The following ABL1 variants were observed in gnomAD, a reference collection of about 807,000 sequenced individuals.
The protein encoded by ABL1 is ABL proto-oncogene 1, non-receptor tyrosine kinase.
ABL1 carries 11 observed loss-of-function variants against 94.7 expected under a neutral mutation model. The ratio of observed to expected loss-of-function variants is 0.12; its 90% CI spans 0.07 to 0.19. ABL1 has a LOEUF of 0.19. Among genes scored for constraint, ABL1 ranks in the 10% least tolerant of loss-of-function variants. The probability of loss-of-function intolerance (pLI) is 1.00; values close to 1 mark genes in which losing one functional copy is unlikely to be tolerated. For missense variants in ABL1, 1,082 were observed against 1,489.4 expected, an observed-to-expected ratio of 0.73 and a Z score of 4.50; for synonymous variants, 656 against 622.4, an observed-to-expected ratio of 1.05 and a Z score of -0.80.
intron 1 of ABL1, among the ~76,000 whole-genome samples, chr9:130,785,398 A>T (rs1310620468): frequency 1.3e-5 from 2 of 152,074 alleles, no homozygotes; most frequent in African/African-American, 4.8e-5. Context: ...CCCTCTGACA[A>T]GCATGTTTGC....
chr9:130,715,482 C>CT (rs1182212137), intron 1 of ABL1, among the ~76,000 whole-genome samples: 2 of 152,184 alleles, frequency 1.3e-5, no homozygotes, highest in African/African-American at 4.8e-5. Context: ...TGAAGTTTTA[C>CT]TTTCTTACGG....
At position 130,771,116 on chromosome 9, in the gene ABL1, T is replaced by A. The variant is rs186970547; in HGVS notation, c.136+56661T>A. 9.8e-5 allele frequency among the ~76,000 whole-genome samples: 15 copies of A among 152,364 alleles called. No homozygotes were observed. The East Asian group carries it at 2.9e-3, about 29-fold the overall frequency. On this transcript the variant is annotated intron_variant, in intron 1 of 10. Coordinates refer to the ABL1 transcript ENST00000372348. ...CCTATTGGGATCTGTATTAAAAGTGTACTAAAAACATTCACCACATGGTGG... is the reference window on the plus strand; with the variant it reads ...CCTATTGGGATCTGTATTAAAAGTGAACTAAAAACATTCACCACATGGTGG...
intron 1 of ABL1, among the ~76,000 whole-genome samples, chr9:130,729,063 C>T (rs945925290): frequency 1.3e-5 from 2 of 152,132 alleles, no homozygotes. Flanking sequence ...TTGACCCTGC[C>T]AGGTTTGGTT....
At chr9:130,839,936 G>C (rs1310243949) in intron 1 of ABL1, among the ~76,000 whole-genome samples, 5 of 152,166 alleles carry the variant, frequency 3.3e-5, no homozygotes, top group Non-Finnish European at 5.9e-5. Flanking sequence ...GCTCTTGGCT[G>C]GTCTTGCGCA....
chr9:130,738,451 G>C (rs1831773196), intron 1 of ABL1, among the ~76,000 whole-genome samples: 1 of 152,164 alleles, frequency 6.6e-6, no homozygotes, highest in African/African-American at 2.4e-5. Flanking sequence ...ATTACAGGTA[G>C]TTGCTGGAAT....
intron 1 of ABL1, among the ~76,000 whole-genome samples, chr9:130,766,296 G>C (rs916547075): frequency 2.0e-5 from 3 of 152,156 alleles, no homozygotes; most frequent in Non-Finnish European, 4.4e-5. Context: ...ATGCCTTACT[G>C]TCAGGACAGA....
At chr9:130,744,037 A>G (rs1325039842) in intron 1 of ABL1, among the ~76,000 whole-genome samples, 1 of 152,158 alleles carries the variant, frequency 6.6e-6, no homozygotes, top group Non-Finnish European at 1.5e-5. Flanking sequence ...TTTTATCTTT[A>G]AAACAAATTT....
Position 130,885,155 on chromosome 9 carries a change from C to G in ABL1, c.2865C>G (p.Leu955=). Reference sequence around the variant, plus strand: ...AGCCCAGCCAGCCGGGAGAGGGCCTCAAAAAGCCCGTGCTCCCGGCCACTC... The same window carrying G: ...AGCCCAGCCAGCCGGGAGAGGGCCTGAAAAAGCCCGTGCTCCCGGCCACTC... ...AAKPSQPGEG[L]KKPVLPATPK... is the part of the protein sequence containing the mutation. Residue 955 remains leucine (L), a synonymous_variant, in exon 11 of 11, where the codon CTC becomes CTG. Coordinates refer to ENST00000318560, the MANE Select transcript of ABL1 (RefSeq NM_005157.6). 1 of 1,613,152 alleles carries G rather than the reference C, an allele frequency of 6.2e-7. No individual in the cohort carries two copies. The highest frequency in any genetic ancestry group is 8.5e-7 in the Non-Finnish European group (1 of 1,179,924).
chr9:130,827,812 T>G (rs1830443768), intron 1 of ABL1, among the ~76,000 whole-genome samples: 1 of 151,912 alleles, frequency 6.6e-6, no homozygotes, highest in South Asian at 2.1e-4. Context: ...GAGAATTGCT[T>G]GAACCTGGGA....
At chr9:130,798,083 G>A (rs986554414) in intron 1 of ABL1, among the ~76,000 whole-genome samples, 2 of 152,118 alleles carry the variant, frequency 1.3e-5, no homozygotes, top group African/African-American at 4.8e-5. Context: ...AATACTTTTT[G>A]ATTGAAATTG....
intron 1 of ABL1, among the ~76,000 whole-genome samples, chr9:130,746,135 G>A (rs1478861184): frequency 6.6e-6 from 1 of 151,710 alleles, no homozygotes; most frequent in Non-Finnish European, 1.5e-5. Context: ...TCCCACTGCT[G>A]CTTATTTCCA....
At chr9:130,871,989 T>C (rs1381952672) in intron 4 of ABL1, 140 bp from the exon 5 acceptor site, 1 of 670,622 alleles carries the variant, frequency 1.5e-6, no homozygotes, top group Non-Finnish European at 2.6e-6. Context: ...ATGGAACCTG[T>C]CTGCAGCAAT....
chr9:130,756,966 T>C (rs1416684687), intron 1 of ABL1, among the ~76,000 whole-genome samples: 1 of 152,184 alleles, frequency 6.6e-6, no homozygotes, highest in African/African-American at 2.4e-5. Flanking sequence ...CTGCCTGTCA[T>C]CTTCACTACA....
At position 130,766,071 on chromosome 9, in the gene ABL1, C is replaced by T. The variant is rs189207707; in HGVS notation, c.136+51616C>T. Among the ~76,000 whole-genome samples the T allele has an allele frequency of 1.4e-4, 22 of 152,308 alleles. No individual in the cohort carries two copies. In the East Asian group the frequency reaches 3.3e-3, roughly 23 times the overall value. On this transcript the variant is annotated intron_variant, in intron 1 of 10. Transcript: ENST00000372348. ...TGAAGTGGGTGCAGGTCATCGCCCA[C>T]GACCTGTTTCCCAGGCTTGCAGAGA...
chr9:130,738,186 A>C (rs1351162873), intron 1 of ABL1, among the ~76,000 whole-genome samples: 2 of 152,154 alleles, frequency 1.3e-5, no homozygotes, highest in Non-Finnish European at 2.9e-5. Context: ...CCCGAGACCA[A>C]GGAAATTGTA....
intron 1 of ABL1, among the ~76,000 whole-genome samples, chr9:130,738,007 T>G (rs1170370866): frequency 6.6e-6 from 1 of 151,904 alleles, no homozygotes; most frequent in Non-Finnish European, 1.5e-5. Context: ...ATTTTTTGCG[T>G]TTTTAATAGA....
intron 1 of ABL1, among the ~76,000 whole-genome samples, chr9:130,718,026 A>C (rs1397579852): frequency 2.2e-5 from 3 of 137,552 alleles, no homozygotes; most frequent in Admixed American, 7.2e-5. Context: ...AAAAAAAAAA[A>C]GAAATTCCTG....
chr9:130,832,616 G>A (rs1414500940), upstream of ABL1, among the ~76,000 whole-genome samples: 1 of 152,194 alleles, frequency 6.6e-6, no homozygotes, highest in African/African-American at 2.4e-5. Flanking sequence ...TTACTGTGAG[G>A]CTTAAGAGTG....
chr9:130,762,257 T>G (rs1172764715), intron 1 of ABL1, among the ~76,000 whole-genome samples: 1 of 152,208 alleles, frequency 6.6e-6, no homozygotes. Context: ...TTCTCTGCCG[T>G]AGCCACTCTT....
Sources: allele counts gnomAD v4.1 joint callset (sites outside exome capture counted in the v4.1 genomes callset), GRCh38; gene constraint gnomAD v4.1.1; transcripts MANE v1.5; gene names NCBI Gene and HGNC (gene_info 2026-07-23, HGNC 2026-07-21).